The following GMDS variants were observed in gnomAD, a reference collection of about 807,000 sequenced individuals.
GMDS encodes the protein GDP-mannose 4,6-dehydratase.
A neutral mutation model predicts 49.9 loss-of-function variants in GMDS; 20 were observed. The observed-to-expected ratio is 0.40, with a 90% confidence interval of 0.28 to 0.58. The LOEUF is 0.58. GMDS is among the 20% of genes least tolerant of loss of function. The pLI, the probability that GMDS is intolerant of heterozygous loss-of-function variation, is 0.42. For missense variants in GMDS, 362 were observed against 481.4 expected, an observed-to-expected ratio of 0.75 and a Z score of 2.32; for synonymous variants, 177 against 178.6, an observed-to-expected ratio of 0.99 and a Z score of 0.07.
At chr6:1,818,702 GTACATATATACACATGCATATATATA>G (rs981870683) in intron 7 of GMDS, among the ~76,000 whole-genome samples, 4 of 150,846 alleles carry the variant, frequency 2.7e-5, no homozygotes, top group Non-Finnish European at 5.9e-5. Context: ...ATGTATGTAT[GTACATATATACACATGCATATATATA>G]TACATATATA....
At chr6:2,128,688 G>A (rs535482602) in intron 1 of GMDS, among the ~76,000 whole-genome samples, 6 of 152,288 alleles carry the variant, frequency 3.9e-5, no homozygotes, top group South Asian at 4.1e-4. Flanking sequence ...AAAATAATAA[G>A]AGACCATAAA....
chr6:1,934,417 C>A (rs1345682038), intron 6 of GMDS, among the ~76,000 whole-genome samples: 1 of 152,128 alleles, frequency 6.6e-6, no homozygotes, highest in Non-Finnish European at 1.5e-5. Context: ...GCAAAAACAC[C>A]AACAGGGATT....
In GMDS at chr6:1,770,208, T is replaced by A. The variant is rs980579113; in HGVS notation, c.772-27622A>T. Among the ~76,000 whole-genome samples the A allele has an allele frequency of 1.6e-4, 24 of 152,344 alleles. 1 individual carries two copies. In the South Asian group the frequency reaches 3.7e-3, roughly 24 times the overall value. ...TTCTTCCCTGAGAACTGCACACATG[T>A]GTGAGCCAACACACGAACACATTTT... On this transcript the variant is annotated intron_variant, in intron 7 of 10. Transcript: ENST00000380815.
intron 9 of GMDS, among the ~76,000 whole-genome samples, chr6:1,654,686 G>A (rs778492470): frequency 1.1e-4 from 17 of 152,152 alleles, no homozygotes; most frequent in Non-Finnish European, 1.3e-4. Context: ...GCACAACACT[G>A]TGAATGTACT....
intron 1 of GMDS, among the ~76,000 whole-genome samples, chr6:2,194,688 G>A (rs1280308261): frequency 6.6e-6 from 1 of 152,162 alleles, no homozygotes. Context: ...CCTAAACATG[G>A]AAGAGGGGAA....
intron 9 of GMDS, among the ~76,000 whole-genome samples, chr6:1,716,723 G>A (rs530560099): frequency 5.3e-5 from 8 of 152,190 alleles, no homozygotes; most frequent in African/African-American, 1.4e-4. Context: ...CTGTTCATGC[G>A]GCTGGTTCAT....
chr6:1,976,961 T>A (rs1764938577), intron 4 of GMDS, among the ~76,000 whole-genome samples: 1 of 152,198 alleles, frequency 6.6e-6, no homozygotes, highest in African/African-American at 2.4e-5. Context: ...TCTGTTTCCT[T>A]GGGATCTGCG....
At chr6:2,173,265 G>C (rs1235832725) in intron 1 of GMDS, among the ~76,000 whole-genome samples, 2 of 152,282 alleles carry the variant, frequency 1.3e-5, no homozygotes, top group Non-Finnish European at 2.9e-5. Flanking sequence ...CTGATACCTA[G>C]TTTATCCAAA....
chr6:1,745,946 G>A (rs146250925), intron 7 of GMDS, among the ~76,000 whole-genome samples: 3 of 152,306 alleles, frequency 2.0e-5, no homozygotes, highest in Non-Finnish European at 4.4e-5. Context: ...GCATCCCGTC[G>A]TAATGCTAGA....
Position 1,670,217 on chromosome 6 carries a change from G to C in GMDS, c.988-45677C>G, listed in dbSNP as rs184909111. ...CTGCCCAGCAGCCTTCCGGGACAAG[G>C]GGGTGAGAGGGTGTGAAATGACTGT... On this transcript the variant is annotated intron_variant, in intron 9 of 10. Coordinates refer to ENST00000380815, the MANE Select transcript of GMDS (RefSeq NM_001500.4). Among the ~76,000 whole-genome samples the C allele has an allele frequency of 2.3e-3, 356 of 152,276 alleles. 1 individual carries two copies. Among genetic ancestry groups the C allele is most frequent in the African/African-American group, 7.9e-3 (328 of 41,546 alleles).
chr6:1,764,020 GGCCTGCCTGCT>G, intron 7 of GMDS, among the ~76,000 whole-genome samples: 1 of 152,222 alleles, frequency 6.6e-6, no homozygotes, highest in East Asian at 1.9e-4. Context: ...GGGCATTGTA[GGCCTGCCTGCT>G]GCTTGTCCGG....
rs181471594 is a variant in GMDS, at chr6:2,161,221, G to A, written c.103-36490C>T. The stretch of plus-strand genomic sequence containing the variant: ...AGACGGGATTTCACCATGTTCACCA[G>A]GATGGTCTCGATCTCCTGACCTTGT... On this transcript the variant is annotated intron_variant, in intron 1 of 10. Transcript: ENST00000380815. Among the ~76,000 whole-genome samples the A allele has an allele frequency of 6.4e-3, 975 of 151,938 alleles. 12 individuals are homozygous for A. The highest frequency in any genetic ancestry group is 0.023 in the African/African-American group (935 of 41,432).
At chr6:2,037,828 G>A (rs1769394686) in intron 4 of GMDS, among the ~76,000 whole-genome samples, 1 of 152,132 alleles carries the variant, frequency 6.6e-6, no homozygotes, top group Non-Finnish European at 1.5e-5. Flanking sequence ...AAAGGAGCCT[G>A]AAAGGAAGAC....
chr6:2,204,394 G>A (rs1382031547), intron 1 of GMDS, among the ~76,000 whole-genome samples: 1 of 152,074 alleles, frequency 6.6e-6, no homozygotes, highest in Non-Finnish European at 1.5e-5. Flanking sequence ...ATGTGTAAAG[G>A]ATACCCTTTC....
At chr6:1,751,641 A>G (rs1325469218) in intron 7 of GMDS, among the ~76,000 whole-genome samples, 25 of 152,122 alleles carry the variant, frequency 1.6e-4, no homozygotes, top group Admixed American at 1.6e-3. Context: ...TTACAGGCAC[A>G]TGCCACCACA....
At position 2,063,950 on chromosome 6, in the gene GMDS, G is replaced by C. The variant is rs144128987; in HGVS notation, c.345+51821C>G. On this transcript the variant is annotated intron_variant, in intron 4 of 10. Coordinates refer to ENST00000380815, the MANE Select transcript of GMDS (RefSeq NM_001500.4). ...CCCCTAACACTGCTAGTCAAAAATA[G>C]TCATGAATTAACAGATGTTACTAGT... is the stretch of plus-strand genomic sequence containing the variant. Among the ~76,000 whole-genome samples the C allele has an allele frequency of 1.1e-3, 160 of 152,336 alleles. 1 individual carries two copies. The highest frequency in any genetic ancestry group is 3.7e-3 in the African/African-American group (155 of 41,586).
At chr6:2,156,137 T>G (rs534190849) in intron 1 of GMDS, among the ~76,000 whole-genome samples, 1 of 152,294 alleles carries the variant, frequency 6.6e-6, no homozygotes, top group South Asian at 2.1e-4. Context: ...TATTTTCAAT[T>G]GATACCACTT....
rs1050984686 is a variant in GMDS, at chr6:2,214,165, A to C, written c.102+31156T>G. On this transcript the variant is annotated intron_variant, in intron 1 of 10. Transcript: ENST00000380815. ...AAGCTTCAACTGACACACATCAACA[A>C]TATTTCATTCCATGAATTCATAATG... Among the ~76,000 whole-genome samples, 14 of 152,244 alleles carry C rather than the reference A, an allele frequency of 9.2e-5. 1 individual carries two copies. The highest frequency in any genetic ancestry group is 3.1e-4 in the African/African-American group (13 of 41,468).
chr6:2,075,106 G>T (rs895374994), intron 4 of GMDS, among the ~76,000 whole-genome samples: 1 of 151,990 alleles, frequency 6.6e-6, no homozygotes, highest in African/African-American at 2.4e-5. Context: ...TTTTGCTCAG[G>T]ATTTCTTTGG....
Sources: gnomAD v4.1 joint callset for allele counts (sites outside exome capture counted in the v4.1 genomes callset) on GRCh38, gnomAD v4.1.1 for gene constraint, MANE v1.5 for transcripts, NCBI Gene and HGNC (gene_info 2026-07-23, HGNC 2026-07-21) for gene names.